ADPRM: variants seen among roughly 807,000 people sequenced by gnomAD.
ADPRM encodes the protein manganese-dependent ADP-ribose/CDP-alcohol diphosphatase.
In ADPRM, 17 loss-of-function variants were observed where a neutral mutation model predicts 27.2. The observed-to-expected ratio is 0.63, with a 90% CI of 0.43 to 0.94. The LOEUF (loss-of-function observed/expected upper bound fraction) is 0.94, where lower values mean the gene tolerates loss of function less well. Among genes scored for constraint, ADPRM ranks in the 40% least tolerant of loss-of-function variants. The pLI is 0.00. For missense variants in ADPRM, 337 were observed against 412.8 expected, an observed-to-expected ratio of 0.82 and a Z score of 1.59; for synonymous variants, 135 against 145.3, an observed-to-expected ratio of 0.93 and a Z score of 0.51.
intron 1 of ADPRM, among the ~76,000 whole-genome samples, chr17:10,698,750 A>T (rs917729739): frequency 6.6e-6 from 1 of 152,214 alleles, no homozygotes; most frequent in African/African-American, 2.4e-5. Flanking sequence ...ATTTCTGCCA[A>T]AGTTCTTAAA....
intron 3 of ADPRM, among the ~76,000 whole-genome samples, chr17:10,708,219 A>T (rs1280506682): frequency 6.6e-6 from 1 of 152,070 alleles, no homozygotes; most frequent in Non-Finnish European, 1.5e-5. Flanking sequence ...TCATGAGGTC[A>T]GGAGTTCGAG....
chr17:10,707,949 G>A (rs2074824781), intron 3 of ADPRM, among the ~76,000 whole-genome samples: 2 of 152,172 alleles, frequency 1.3e-5, no homozygotes, highest in African/African-American at 2.4e-5. Flanking sequence ...ACTTGGTTTG[G>A]AGGTTGAGAT....
intron 1 of ADPRM, among the ~76,000 whole-genome samples, chr17:10,699,949 G>T (rs1462995066): frequency 6.6e-6 from 1 of 152,194 alleles, no homozygotes; most frequent in Non-Finnish European, 1.5e-5. Context: ...TTTGACTGGG[G>T]ACAGCTAGGC....
chr17:10,708,021 A>T (rs1296453896), intron 3 of ADPRM, among the ~76,000 whole-genome samples: 1 of 152,146 alleles, frequency 6.6e-6, no homozygotes, highest in Non-Finnish European at 1.5e-5. Flanking sequence ...CTAGACTGAG[A>T]GCTGGAAGGA....
chr17:10,699,518 C>CTTTTTTT (rs781412834), intron 1 of ADPRM, among the ~76,000 whole-genome samples: 10 of 113,338 alleles, frequency 8.8e-5, no homozygotes, highest in South Asian at 2.9e-4. Context: ...TCTTTTCTTT[C>CTTTTTTT]TTTTTTTTTT....
rs2074851303 is a variant in ADPRM, at chr17:10,711,213, CCT to C, written c.*72_*73del. ...CCCTCCTAAACAAAAAAATAAAAATCCTCTGTCTCATTGTTTAGTATTCAGCT... is the reference window on the plus strand; with the variant it reads ...CCCTCCTAAACAAAAAAATAAAAATCCTGTCTCATTGTTTAGTATTCAGCT... On this transcript the variant is annotated 3_prime_UTR_variant, in exon 4 of 4. Transcript: ENST00000379774. The C allele has an allele frequency of 6.3e-6, 8 of 1,261,742 alleles. No individual in the cohort carries two copies. Among genetic ancestry groups the C allele is most frequent in the South Asian group, 1.5e-5 (1 of 67,168 alleles). 78.2% of individuals were successfully genotyped at this position (1,261,742 alleles called of 1,614,324 possible). A position where few individuals can be genotyped will look rare whatever the true frequency, so the allele number is the denominator to read the frequency against.
In ADPRM at chr17:10,710,824, T is replaced by C; in HGVS notation, c.719-10T>C. The stretch of plus-strand genomic sequence containing the variant: ...ATTGGCTCATAACTCTTCTTTTCTT[T>C]AACTAACAGGCCATCTTCCCATTTA... On this transcript the variant is annotated splice_polypyrimidine_tract_variant and intron_variant, in intron 3 of 3. Coordinates refer to ENST00000379774, the MANE Select transcript of ADPRM (RefSeq NM_020233.5). The C allele has an allele frequency of 1.9e-6, 3 of 1,610,352 alleles. No individual in the cohort carries two copies. The highest frequency in any genetic ancestry group is 2.5e-6 in the Non-Finnish European group (3 of 1,176,980).
chr17:10,700,956 A>T (rs1010527990), intron 1 of ADPRM, among the ~76,000 whole-genome samples: 1 of 152,122 alleles, frequency 6.6e-6, no homozygotes. Flanking sequence ...CAGATATATA[A>T]TTTTAAAATT....
In ADPRM at chr17:10,702,966, T is replaced by C. The variant is rs573262683; in HGVS notation, c.-17-1944T>C. Among the ~76,000 whole-genome samples the C allele has an allele frequency of 6.6e-6, 1 of 152,320 alleles. No individual in the cohort carries two copies. Among genetic ancestry groups the C allele is most frequent in the East Asian group, 1.9e-4 (1 of 5,178 alleles). ...ATACATATTATCACCATAAAGGCTCTGAGTTTAAAGATAAAAACAAGCTCA... is the reference window on the plus strand; with the variant it reads ...ATACATATTATCACCATAAAGGCTCCGAGTTTAAAGATAAAAACAAGCTCA... On this transcript the variant is annotated intron_variant, in intron 1 of 3. Coordinates refer to ENST00000379774, the MANE Select transcript of ADPRM (RefSeq NM_020233.5). The surrounding 1 kb of genome is among the most constrained non-coding windows in gnomAD (Gnocchi z 4.2).
rs57337863 is a variant in ADPRM, at chr17:10,708,450, A to AAAAAAAAAAAAAC, written c.718+1896_718+1897insAAAAAAAAAAAAC. 2.9e-4 allele frequency among the ~76,000 whole-genome samples: 34 copies of AAAAAAAAAAAAAC among 118,952 alleles called. 5 individuals carry two copies. Among genetic ancestry groups the AAAAAAAAAAAAAC allele is most frequent in the East Asian group, 5.0e-4 (2 of 4,018 alleles). 78.0% of individuals were successfully genotyped at this position (118,952 alleles called of 152,430 possible). A position where few individuals can be genotyped will look rare whatever the true frequency, so the allele number is the denominator to read the frequency against. ...GTCTCAAAAAAAAAAAAAAAAAAAA[A>AAAAAAAAAAAAAC]CCTTTGAAAATGATAGGCTATTCAG... is the stretch of plus-strand genomic sequence containing the variant. On this transcript the variant is annotated intron_variant, in intron 3 of 3. Transcript: ENST00000379774.
chr17:10,698,915 T>C lies in ADPRM; in HGVS notation c.-18+1248T>C, dbSNP rs140812864. 15 of 152,314 alleles carry C rather than the reference T, an allele frequency of 9.8e-5. No homozygotes were observed. The East Asian group carries it at 2.7e-3, about 27-fold the overall frequency. The allele number at this position is 152,314 out of a possible 1,614,324, so 9.4% of individuals were successfully genotyped here. ...CAAAAAGACATAAAAGTACCTTGTG[T>C]AGTCAGGCAGATAGCATACAAAATT... is the stretch of plus-strand genomic sequence containing the variant. On this transcript the variant is annotated intron_variant, in intron 1 of 3. Coordinates refer to ENST00000379774, the MANE Select transcript of ADPRM (RefSeq NM_020233.5).
chr17:10,711,148 A>G lies in ADPRM; in HGVS notation c.*4A>G. The G allele has an allele frequency of 6.3e-7, 1 of 1,588,816 alleles. No homozygotes were observed. The highest frequency in any genetic ancestry group is 8.6e-7 in the Non-Finnish European group (1 of 1,164,864). Reference sequence around the variant, plus strand: ...AGAAAGAGCCTTCCATTGTTAGTCTAATTTATTTTAACTTGATAGAAAATG... The same window carrying G: ...AGAAAGAGCCTTCCATTGTTAGTCTGATTTATTTTAACTTGATAGAAAATG... On this transcript the variant is annotated 3_prime_UTR_variant, in exon 4 of 4. Transcript: ENST00000379774.
intron 3 of ADPRM, 109 bp from the exon 4 acceptor site, chr17:10,710,725 G>C: frequency 1.1e-6 from 1 of 946,710 alleles, no homozygotes; most frequent in Non-Finnish European, 1.5e-6. Flanking sequence ...TTTGCATAAT[G>C]AGATAGCAAT....
chr17:10,710,906 T>TC lies in ADPRM; in HGVS notation c.792dup (p.Ile265HisfsTer5). The TC allele has an allele frequency of 6.2e-7, 1 of 1,614,186 alleles. No individual in the cohort carries two copies. The highest frequency in any genetic ancestry group is 8.5e-7 in the Non-Finnish European group (1 of 1,180,036). ...TGGAACTACAGAGATGCCCTGGCAG[T>TC]CATTTGGTCTCATGAGTGTGTGGTG... On this transcript the variant is annotated frameshift_variant, in exon 4 of 4. Transcript: ENST00000379774. LOFTEE classifies it high-confidence loss of function.
chr17:10,703,564 T>C (rs943304763), intron 1 of ADPRM, among the ~76,000 whole-genome samples: 141 of 152,246 alleles, frequency 9.3e-4, no homozygotes, highest in Non-Finnish European at 1.8e-3. Flanking sequence ...ATAAGTCAAA[T>C]TGAAGTCTTA....
At chr17:10,700,766 G>GAAAAA (rs571890298) in intron 1 of ADPRM, among the ~76,000 whole-genome samples, 1 of 112,302 alleles carries the variant, frequency 8.9e-6, no homozygotes, top group African/African-American at 3.2e-5. Context: ...CCTGTCTCAG[G>GAAAAA]AAAAAAAAAA....
chr17:10,707,500 A>G (rs766110038), intron 3 of ADPRM, among the ~76,000 whole-genome samples: 12 of 152,270 alleles, frequency 7.9e-5, no homozygotes, highest in Non-Finnish European at 1.2e-4. Flanking sequence ...ACACTAAACA[A>G]TTTGTTAGTG....
chr17:10,710,842 C>G lies in ADPRM; in HGVS notation c.727C>G (p.Pro243Ala), dbSNP rs1286334467. The G allele has an allele frequency of 1.2e-6, 2 of 1,613,344 alleles. No individual in the cohort carries two copies. Among genetic ancestry groups the G allele is most frequent in the Non-Finnish European group, 1.7e-6 (2 of 1,179,350 alleles). The change falls in exon 4 of 4, where the codon CCC becomes GCC. Residue 243 changes from proline (P) to alanine (A), a missense_variant. Pro to Ala is a conservative substitution (Grantham distance 27, BLOSUM62 -1). Coordinates refer to ENST00000379774, the MANE Select transcript of ADPRM (RefSeq NM_020233.5). ...TTTTCTTTAACTAACAGGCCATCTT[C>G]CCATTTACCCGGACGCCTCTGACAA... Reference protein sequence around the residue: ...QEKVVIVSHLPIYPDASDNVC... With the variant: ...QEKVVIVSHLAIYPDASDNVC...
At position 10,704,904 on chromosome 17, in the gene ADPRM, A is replaced by G; in HGVS notation, c.-17-6A>G. ...AATTTAGTTATCGTCTTTTTACTTT[A>G]TTTAGAAACCTGTTTGGAGGTTATG... On this transcript the variant is annotated splice_region_variant and splice_polypyrimidine_tract_variant and intron_variant, in intron 1 of 3. Transcript: ENST00000379774. The G allele has an allele frequency of 6.5e-7, 1 of 1,534,310 alleles. No homozygotes were observed. The highest frequency in any genetic ancestry group is 2.3e-5 in the East Asian group (1 of 44,164).
Sources: allele counts gnomAD v4.1 joint callset (sites outside exome capture counted in the v4.1 genomes callset), GRCh38; gene constraint gnomAD v4.1.1; non-coding constraint Gnocchi (gnomAD v3.1); transcripts MANE v1.5; gene names NCBI Gene and HGNC (gene_info 2026-07-23, HGNC 2026-07-21).